Variants in CALB2 observed in about 807,000 individuals in gnomAD.
CALB2 encodes the protein calretinin.
In CALB2, 34 loss-of-function variants were observed where a neutral mutation model predicts 45.9. That is an observed-to-expected ratio of 0.74 (90% CI 0.56 to 0.99). The LOEUF is 0.99. Among genes scored for constraint, CALB2 ranks in the 50% least tolerant of loss-of-function variants. The probability of loss-of-function intolerance (pLI) is 0.00; values close to 1 mark genes in which losing one functional copy is unlikely to be tolerated. For synonymous variants in CALB2, 142 were observed against 129.6 expected, an observed-to-expected ratio of 1.10 and a Z score of -0.65; for missense variants, 344 against 339.3, an observed-to-expected ratio of 1.01 and a Z score of -0.11.
chr16:71,372,950 G>T (rs1377189869), intron 2 of CALB2, among the ~76,000 whole-genome samples: 2 of 152,150 alleles, frequency 1.3e-5, no homozygotes, highest in Non-Finnish European at 2.9e-5. Context: ...CATTTGTGGT[G>T]GTGTCACGAC....
At chr16:71,377,639 G>T (rs548839248) in intron 3 of CALB2, 28 bp from the exon 4 acceptor site, 2 of 1,553,050 alleles carry the variant, frequency 1.3e-6, no homozygotes, top group Admixed American at 3.3e-5. Flanking sequence ...CCTCCATAAC[G>T]TTAGTGTCGC....
In CALB2 at chr16:71,389,874, CG is replaced by C; in HGVS notation, c.*14del. Reference sequence around the variant, plus strand: ...GCGAGCCCCCCATGTAAAGTGGGGACGGGGGCTGCTTCTCCACCTCCCCCAA... The same window carrying C: ...GCGAGCCCCCCATGTAAAGTGGGGACGGGGCTGCTTCTCCACCTCCCCCAA... On this transcript the variant is annotated 3_prime_UTR_variant, in exon 11 of 11. Transcript: ENST00000302628. 2 of 1,581,402 alleles carry C rather than the reference CG, an allele frequency of 1.3e-6. No individual in the cohort carries two copies. The highest frequency in any genetic ancestry group is 8.7e-7 in the Non-Finnish European group (1 of 1,151,554).
At position 71,377,693 on chromosome 16, in the gene CALB2, G is replaced by C. The variant is rs768640497; in HGVS notation, c.288G>C (p.Glu96Asp). The C allele has an allele frequency of 4.7e-5, 76 of 1,613,938 alleles. No homozygotes were observed. The highest frequency in any genetic ancestry group is 6.1e-5 in the Non-Finnish European group (72 of 1,179,966). Residue 96 changes from glutamate to aspartate, a missense_variant, in exon 4 of 11, where the codon GAG (glutamate) becomes GAC (aspartate). By Grantham distance (45) the Glu-to-Asp change is conservative (BLOSUM62 2). This residue lies in a region of CALB2 where 263 missense variants were observed against 241.7 expected (regional missense o/e 1.09). Transcript: ENST00000302628. ...AELAQILPTE[E>D]NFLLCFRQHV... The stretch of plus-strand genomic sequence containing the variant: ...TGGCGCAGATCCTGCCAACCGAAGA[G>C]AACTTCCTTCTGTGCTTCAGGCAGC...
chr16:71,389,952 G>A lies in CALB2; in HGVS notation c.*87G>A, dbSNP rs539408750. The A allele has an allele frequency of 9.6e-5, 81 of 842,736 alleles. 2 individuals carry two copies. The South Asian group carries it at 9.7e-4, about 10-fold the overall frequency. The allele number at this position is 842,736 out of a possible 1,614,324, so 52.2% of individuals were successfully genotyped here. On this transcript the variant is annotated 3_prime_UTR_variant, in exon 11 of 11. Transcript: ENST00000302628. ...CTACCCAGACTCAGAGACCGTGAGC[G>A]CCCCGCCCCCACCCCTACAGCCTGC...
intron 4 of CALB2, among the ~76,000 whole-genome samples, chr16:71,379,384 C>G (rs773796226): frequency 2.4e-4 from 36 of 152,050 alleles, no homozygotes; most frequent in Non-Finnish European, 7.4e-5. Context: ...TGTTCAAATT[C>G]ATGTCTCTTG....
At chr16:71,364,996 C>G (rs569877130) in intron 1 of CALB2, among the ~76,000 whole-genome samples, 3 of 152,236 alleles carry the variant, frequency 2.0e-5, no homozygotes, top group South Asian at 4.1e-4. Context: ...CTGGCAGGGT[C>G]GTAAAGAACA....
chr16:71,383,810 C>T (rs1022751360), intron 6 of CALB2, among the ~76,000 whole-genome samples, 160 bp from the exon 7 acceptor site: 2 of 152,078 alleles, frequency 1.3e-5, no homozygotes, highest in African/African-American at 4.8e-5. Flanking sequence ...AGGGGACCCC[C>T]GTGACTGATT....
chr16:71,362,173 T>C (rs2042243116), intron 1 of CALB2, among the ~76,000 whole-genome samples: 1 of 152,174 alleles, frequency 6.6e-6, no homozygotes, highest in African/African-American at 2.4e-5. Context: ...CCTTTCCCCC[T>C]CTAAAGGATC....
chr16:71,372,656 G>A (rs1187447133), intron 2 of CALB2, among the ~76,000 whole-genome samples: 2 of 152,178 alleles, frequency 1.3e-5, no homozygotes, highest in East Asian at 3.9e-4. Context: ...GGCATTTGAG[G>A]CTGAATAATT....
At chr16:71,386,771 C>T (rs978279826) in intron 10 of CALB2, among the ~76,000 whole-genome samples, 1 of 152,232 alleles carries the variant, frequency 6.6e-6, no homozygotes, top group Non-Finnish European at 1.5e-5. Flanking sequence ...ATTTAATGCT[C>T]AATTTCAGGA....
rs147887585 is a variant in CALB2 at position 71,381,342 on chromosome 16, T to C, written c.343-1377T>C. On this transcript the variant is annotated intron_variant, in intron 4 of 10. Coordinates refer to ENST00000302628, the MANE Select transcript of CALB2 (RefSeq NM_001740.5). ...GAGAAAAGACACTCTTGTAATCAAA[T>C]ACCATCGACCTAAGTTGCATATAGT... Among the ~76,000 whole-genome samples the C allele has an allele frequency of 9.3e-5, 14 of 151,338 alleles. No individual in the cohort carries two copies. In the East Asian group the frequency reaches 2.5e-3, roughly 27 times the overall value.
intron 7 of CALB2, 53 bp downstream of exon 7, chr16:71,384,078 G>A (rs373927677): frequency 2.7e-5 from 42 of 1,570,820 alleles, no homozygotes; most frequent in Non-Finnish European, 3.4e-5. Context: ...GGTCATTCCT[G>A]TGTTATCCGT....
intron 10 of CALB2, among the ~76,000 whole-genome samples, chr16:71,386,739 T>C (rs766820345): frequency 5.3e-5 from 8 of 152,234 alleles, no homozygotes; most frequent in Admixed American, 1.3e-4. Flanking sequence ...TCTCACCGCC[T>C]TGGCTGACAA....
chr16:71,382,640 C>A, intron 4 of CALB2, 79 bp from the exon 5 acceptor site: 1 of 1,384,204 alleles, frequency 7.2e-7, no homozygotes, highest in Admixed American at 1.8e-5. Flanking sequence ...CCCTGGGTGG[C>A]CCATTAAAGG....
At chr16:71,364,112 C>G (rs923368610) in intron 1 of CALB2, among the ~76,000 whole-genome samples, 1 of 152,292 alleles carries the variant, frequency 6.6e-6, no homozygotes, top group Non-Finnish European at 1.5e-5. Context: ...TGCAGCAGCT[C>G]TACGCTGGGT....
chr16:71,369,732 G>C (rs1016777938), intron 1 of CALB2, among the ~76,000 whole-genome samples: 10 of 151,748 alleles, frequency 6.6e-5, no homozygotes, highest in African/African-American at 1.5e-4. Context: ...ATGCACCCAG[G>C]GCTGAGCTCA....
chr16:71,385,567 C>T lies in CALB2; in HGVS notation c.628-10C>T, dbSNP rs1567544756. 1 of 1,613,896 alleles carries T rather than the reference C, an allele frequency of 6.2e-7. No individual in the cohort carries two copies. The highest frequency in any genetic ancestry group is 8.5e-7 in the Non-Finnish European group (1 of 1,179,812). On this transcript the variant is annotated splice_polypyrimidine_tract_variant and intron_variant, in intron 9 of 10. Transcript: ENST00000302628. ...TTAGAGCTCTGGGTTGACTCTGCTCCCATCCCCAGGATAGAAGCGGCTACA... is the reference window on the plus strand; with the variant it reads ...TTAGAGCTCTGGGTTGACTCTGCTCTCATCCCCAGGATAGAAGCGGCTACA...
intron 1 of CALB2, among the ~76,000 whole-genome samples, chr16:71,368,718 G>A (rs556767159): frequency 6.6e-6 from 1 of 152,168 alleles, no homozygotes; most frequent in Admixed American, 6.5e-5. Flanking sequence ...AAGATTATGT[G>A]TGGGTTCATT....
chr16:71,384,451 A>T, intron 8 of CALB2, 73 bp downstream of exon 8: 1 of 1,175,744 alleles, frequency 8.5e-7, no homozygotes, highest in South Asian at 1.2e-5. Context: ...CCTTCCCCCA[A>T]CGCACCACAC....
Sources: gnomAD v4.1 joint callset for allele counts (sites outside exome capture counted in the v4.1 genomes callset) on GRCh38, gnomAD v4.1.1 for gene constraint, gnomAD v4.1.1 regional missense constraint, MANE v1.5 for transcripts, NCBI Gene and HGNC (gene_info 2026-07-23, HGNC 2026-07-21) for gene names.